Variants in SPATC1 observed in about 807,000 individuals in gnomAD.
SPATC1 encodes the protein speriolin.
A neutral mutation model predicts 36.5 loss-of-function variants in SPATC1; 35 were observed. That is an observed-to-expected ratio of 0.96 (90% CI 0.73 to 1.27). SPATC1 has a LOEUF of 1.27. Among genes scored for constraint, SPATC1 ranks in the 50% most tolerant of loss-of-function variants. SPATC1 has a pLI of 0.00. For synonymous variants in SPATC1, 361 were observed against 353.6 expected, an observed-to-expected ratio of 1.02 and a Z score of -0.24; for missense variants, 779 against 796.0, an observed-to-expected ratio of 0.98 and a Z score of 0.26.
chr8:144,044,282 G>A (rs1835196025), intron 4 of SPATC1, among the ~76,000 whole-genome samples: 1 of 149,832 alleles, frequency 6.7e-6, no homozygotes, highest in Admixed American at 6.7e-5. Context: ...TGGATGCCCT[G>A]CCTTCCCTAT....
chr8:144,041,597 C>T (rs1226379877), intron 4 of SPATC1, among the ~76,000 whole-genome samples: 14 of 152,192 alleles, frequency 9.2e-5, no homozygotes, highest in African/African-American at 3.1e-4. Context: ...CATGGTCGGG[C>T]GGCTCTCCCC....
Position 144,040,323 on chromosome 8 carries a change from T to C in SPATC1, c.626T>C (p.Val209Ala). The C allele has an allele frequency of 6.2e-7, 1 of 1,612,476 alleles. No homozygotes were observed. Among genetic ancestry groups the C allele is most frequent in the African/African-American group, 1.3e-5 (1 of 74,918 alleles). Residue 209 changes from valine to alanine, a missense_variant, in exon 2 of 5, where the codon GTC becomes GCC. Coordinates refer to ENST00000377470, the MANE Select transcript of SPATC1 (RefSeq NM_198572.3). Reference sequence around the variant, plus strand: ...AGCTCCACTGCCACCCCACCAGGGGTCTCTCAGAACCTGCTGGCCAACCCC... The same window carrying C: ...AGCTCCACTGCCACCCCACCAGGGGCCTCTCAGAACCTGCTGGCCAACCCC... The part of the protein sequence containing the change: ...LLSSTATPPG[V>A]SQNLLANPMS...
At chr8:144,044,113 C>A (rs1835190829) in intron 4 of SPATC1, among the ~76,000 whole-genome samples, 1 of 152,184 alleles carries the variant, frequency 6.6e-6, no homozygotes, top group Non-Finnish European at 1.5e-5. Flanking sequence ...ACCAGGCAGT[C>A]CTGAGTCAAT....
rs1587522827 is a variant in SPATC1 at position 144,039,902 on chromosome 8, T to C, written c.212-7T>C. ...CTGGGGTCTCAGTGCTTTCTCTGTG[T>C]TCCCAGGTGTCTTCCTGCCCCCGTC... On this transcript the variant is annotated splice_region_variant and splice_polypyrimidine_tract_variant and intron_variant, in intron 1 of 4. Coordinates refer to ENST00000377470, the MANE Select transcript of SPATC1 (RefSeq NM_198572.3). 1.2e-6 allele frequency: 2 copies of C among 1,609,572 alleles called. No homozygotes were observed.
chr8:144,011,823 G>A (rs1018476123), upstream of SPATC1, among the ~76,000 whole-genome samples: 2 of 152,112 alleles, frequency 1.3e-5, no homozygotes, highest in East Asian at 3.9e-4. The surrounding 1 kb of genome is among the most constrained non-coding windows in gnomAD (Gnocchi z 4.5). Flanking sequence ...AAGTTATAGA[G>A]AGCTCCTGGA....
chr8:144,015,550 T>C (rs1834368395), intron 1 of SPATC1, among the ~76,000 whole-genome samples: 1 of 146,532 alleles, frequency 6.8e-6, no homozygotes. Flanking sequence ...AAGACCAGCC[T>C]GGCCAACATG....
chr8:144,037,516 T>C (rs965596819), intron 1 of SPATC1, among the ~76,000 whole-genome samples: 9 of 152,242 alleles, frequency 5.9e-5, no homozygotes, highest in African/African-American at 1.7e-4. Context: ...CCCCCAACCC[T>C]GTGCTCTCTG....
At chr8:144,015,042 A>AT (rs1162178995) in intron 1 of SPATC1, among the ~76,000 whole-genome samples, 88 of 148,198 alleles carry the variant, frequency 5.9e-4, no homozygotes, top group East Asian at 3.3e-3. Context: ...AATATTTAAA[A>AT]TTTTTTTTTT....
chr8:144,030,300 A>T (rs1269195722), intron 1 of SPATC1, among the ~76,000 whole-genome samples: 1 of 152,150 alleles, frequency 6.6e-6, no homozygotes, highest in African/African-American at 2.4e-5. Flanking sequence ...ATTTTACTCT[A>T]TTTAAAGGAA....
In SPATC1 at chr8:144,042,105, C is replaced by T. The variant is rs75449025; in HGVS notation, c.1446+734C>T. 777 of 667,844 alleles carry T rather than the reference C, an allele frequency of 1.2e-3. 4 individuals are homozygous for T. In the African/African-American group the frequency reaches 0.014, roughly 12 times the overall value. The allele number at this position is 667,844 out of a possible 1,614,324, so 41.4% of individuals were successfully genotyped here. On this transcript the variant is annotated intron_variant, in intron 4 of 4. Transcript: ENST00000377470. ...AAGAGTACACAACAGTGTATGTACC[C>T]AGCTCACTGCAACCTCTGCCTCTCA... is the stretch of plus-strand genomic sequence containing the variant.
intron 1 of SPATC1, among the ~76,000 whole-genome samples, chr8:144,030,441 C>T (rs1173067081): frequency 6.6e-6 from 1 of 152,230 alleles, no homozygotes; most frequent in East Asian, 1.9e-4. Flanking sequence ...TCACTGCAGC[C>T]TCCGCCTCCT....
chr8:144,034,140 C>A (rs1454255437), intron 1 of SPATC1, among the ~76,000 whole-genome samples: 1 of 152,264 alleles, frequency 6.6e-6, no homozygotes, highest in African/African-American at 2.4e-5. Context: ...AAAGGCCCAG[C>A]ATTGGCCAGG....
chr8:144,036,938 A>G (rs1442866238), intron 1 of SPATC1, among the ~76,000 whole-genome samples: 1 of 151,836 alleles, frequency 6.6e-6, no homozygotes, highest in African/African-American at 2.4e-5. Flanking sequence ...GCAAAGAATC[A>G]TGATGCCGGA....
Position 144,024,300 on chromosome 8 carries a change from C to T in SPATC1, c.211+11574C>T, listed in dbSNP as rs1432118559. On this transcript the variant is annotated intron_variant, in intron 1 of 4. Transcript: ENST00000377470. ...GGACCCTCTCCCTCAAGACCCTCTTCCCTCATAAACTTCCTCCCCCAGGAC... is the reference window on the plus strand; with the variant it reads ...GGACCCTCTCCCTCAAGACCCTCTTTCCTCATAAACTTCCTCCCCCAGGAC... 2.0e-5 allele frequency among the ~76,000 whole-genome samples: 3 copies of T among 149,088 alleles called. No homozygotes were observed. The South Asian group carries it at 6.5e-4, about 32-fold the overall frequency.
chr8:144,041,456 C>A, intron 4 of SPATC1, 85 bp downstream of exon 4: 1 of 1,532,264 alleles, frequency 6.5e-7, no homozygotes, highest in Non-Finnish European at 8.8e-7. Flanking sequence ...CCAGGCCAAA[C>A]TTGCCAGGAC....
At position 144,044,885 on chromosome 8, in the gene SPATC1, G is replaced by T. The variant is rs553231195; in HGVS notation, c.1447-1742G>T. Among the ~76,000 whole-genome samples the T allele has an allele frequency of 2.0e-5, 3 of 152,286 alleles. No homozygotes were observed. In the East Asian group the frequency reaches 5.8e-4, roughly 30 times the overall value. On this transcript the variant is annotated intron_variant, in intron 4 of 4. Coordinates refer to ENST00000377470, the MANE Select transcript of SPATC1 (RefSeq NM_198572.3). ...AATTGCTTGAACCCGGGAGGCGGAG[G>T]TTGCAGTGAGCTGAGATCGAACCAC...
At chr8:144,030,770 T>G (rs1834777258) in intron 1 of SPATC1, among the ~76,000 whole-genome samples, 1 of 151,736 alleles carries the variant, frequency 6.6e-6, no homozygotes, top group African/African-American at 2.4e-5. Context: ...CTTCTCCTAC[T>G]TTTTTTTTCC....
chr8:144,044,105 C>G lies in SPATC1; in HGVS notation c.1447-2522C>G, dbSNP rs1351352509. Among the ~76,000 whole-genome samples the G allele has an allele frequency of 2.0e-5, 3 of 152,202 alleles. No individual in the cohort carries two copies. In the East Asian group the frequency reaches 5.8e-4, roughly 29 times the overall value. ...GACTAGTATCGAGCCAGGTGTACAC[C>G]AGGCAGTCCTGAGTCAATCCACTCT... On this transcript the variant is annotated intron_variant, in intron 4 of 4. Coordinates refer to ENST00000377470, the MANE Select transcript of SPATC1 (RefSeq NM_198572.3).
intron 4 of SPATC1, 140 bp downstream of exon 4, chr8:144,041,511 C>T (rs994524114): frequency 9.1e-5 from 102 of 1,122,738 alleles, no homozygotes; most frequent in Admixed American, 2.6e-5. Context: ...TCAGTGCCAA[C>T]GGCCTGCAGG....
Sources: gnomAD v4.1 joint callset for allele counts (sites outside exome capture counted in the v4.1 genomes callset) on GRCh38, gnomAD v4.1.1 for gene constraint, Gnocchi (gnomAD v3.1) non-coding constraint, MANE v1.5 for transcripts, NCBI Gene and HGNC (gene_info 2026-07-23, HGNC 2026-07-21) for gene names.